The following STARD13 variants were observed in gnomAD, a reference collection of about 807,000 sequenced individuals.
STARD13 encodes the protein StAR related lipid transfer domain containing 13.
A neutral mutation model predicts 106.4 loss-of-function variants in STARD13; 62 were observed. That is an observed-to-expected ratio of 0.58 (90% CI 0.48 to 0.72). STARD13 has a LOEUF of 0.72. Ranked by LOEUF, STARD13 falls within the 30% of genes least tolerant of loss-of-function variation. The pLI is 0.00. For missense variants in STARD13, 1,387 were observed against 1,424.0 expected (o/e 0.97, Z 0.42); for synonymous variants, 565 against 553.0 (o/e 1.02, Z -0.31).
At chr13:33,510,879 A>G in the STARD13 span, among the ~76,000 whole-genome samples, 3 of 152,208 alleles carry the variant, frequency 2.0e-5, no homozygotes, top group South Asian at 4.1e-4. Context: ...TTGTGTACTG[A>G]GTTCACAAGC....
At chr13:33,454,309 TG>T in the STARD13 span, among the ~76,000 whole-genome samples, 2 of 152,226 alleles carry the variant, frequency 1.3e-5, no homozygotes, top group Non-Finnish European at 2.9e-5. Flanking sequence ...CACTGTGGTC[TG>T]AAAACCCTCC....
At chr13:33,256,791 GCAGGA>G (rs1304119410) in intron 1 of STARD13, among the ~76,000 whole-genome samples, 2 of 152,206 alleles carry the variant, frequency 1.3e-5, no homozygotes, top group African/African-American at 4.8e-5. Flanking sequence ...TAGGTGATGA[GCAGGA>G]CTGATGAAGA....
At chr13:33,367,321 G>T in the STARD13 span, among the ~76,000 whole-genome samples, 1 of 152,254 alleles carries the variant, frequency 6.6e-6, no homozygotes, top group Non-Finnish European at 1.5e-5. Flanking sequence ...ACACATTTGG[G>T]TAAAAACTTC....
At chr13:33,331,563 G>A (rs1385863547) in intron 1 of STARD13, among the ~76,000 whole-genome samples, 4 of 138,808 alleles carry the variant, frequency 2.9e-5, no homozygotes, top group South Asian at 2.2e-4. Context: ...AACAGGTTTC[G>A]CCATGTTGGT....
chr13:33,270,892 A>G (rs1388377914), intron 1 of STARD13, among the ~76,000 whole-genome samples: 2 of 152,224 alleles, frequency 1.3e-5, no homozygotes. Context: ...AGAAAACCTC[A>G]AATCACTTGC....
intron 1 of STARD13, among the ~76,000 whole-genome samples, chr13:33,316,493 G>A (rs758803474): frequency 7.2e-5 from 11 of 152,120 alleles, no homozygotes; most frequent in Admixed American, 6.5e-5. Flanking sequence ...TAGGTTATTC[G>A]TTATCTATAA....
chr13:33,179,100 A>G (rs1161082941), intron 1 of STARD13, among the ~76,000 whole-genome samples: 1 of 152,256 alleles, frequency 6.6e-6, no homozygotes, highest in Non-Finnish European at 1.5e-5. Context: ...TTCTGGAATA[A>G]AGCTCAAGTT....
At chr13:33,426,132 G>A in the STARD13 span, among the ~76,000 whole-genome samples, 1 of 152,086 alleles carries the variant, frequency 6.6e-6, no homozygotes, top group Non-Finnish European at 1.5e-5. Flanking sequence ...GTGGCCTATG[G>A]AAGAAAATTA....
chr13:33,180,431 C>T (rs540911047), intron 1 of STARD13: 34 of 152,294 alleles, frequency 2.2e-4, no homozygotes, highest in African/African-American at 7.0e-4. Context: ...ACTCCAGGAC[C>T]TTGGGAAAGA....
intron 1 of STARD13, among the ~76,000 whole-genome samples, chr13:33,305,220 C>T (rs1892861425): frequency 6.6e-6 from 1 of 152,150 alleles, no homozygotes; most frequent in South Asian, 2.1e-4. Flanking sequence ...ATCAAGACTG[C>T]CAGGTAGGTA....
At chr13:33,343,587 A>AAAC (rs1566150455) in intron 1 of STARD13, among the ~76,000 whole-genome samples, 6 of 95,588 alleles carry the variant, frequency 6.3e-5, no homozygotes, top group South Asian at 4.0e-4. Context: ...TAAAAAAAAA[A>AAAC]AAAAAAAAAA....
chr13:33,146,240 C>T (rs1880520024), intron 3 of STARD13, among the ~76,000 whole-genome samples: 1 of 152,122 alleles, frequency 6.6e-6, no homozygotes, highest in African/African-American at 2.4e-5. Flanking sequence ...AGGAGAATTG[C>T]TTGAACCCGG....
At chr13:33,264,954 C>A (rs1400191120) in intron 1 of STARD13, among the ~76,000 whole-genome samples, 1 of 152,150 alleles carries the variant, frequency 6.6e-6, no homozygotes, top group Non-Finnish European at 1.5e-5. Context: ...ACATTGCTTT[C>A]CAAACAGGAG....
chr13:33,297,538 G>A (rs1219379092), intron 1 of STARD13, among the ~76,000 whole-genome samples: 1 of 151,620 alleles, frequency 6.6e-6, no homozygotes, highest in Non-Finnish European at 1.5e-5. Context: ...CCAGTGCATT[G>A]CTGTATGTGA....
the STARD13 span, among the ~76,000 whole-genome samples, chr13:33,612,507 G>T: frequency 6.6e-6 from 1 of 152,132 alleles, no homozygotes; most frequent in Admixed American, 6.5e-5. Flanking sequence ...CCTCCTGGAA[G>T]CCCCTACTCC....
At chr13:33,500,146 A>G in the STARD13 span, among the ~76,000 whole-genome samples, 4 of 152,094 alleles carry the variant, frequency 2.6e-5, no homozygotes, top group Non-Finnish European at 5.9e-5. Flanking sequence ...TCCAAATACC[A>G]TCACATTGTG....
chr13:33,593,138 G>T, the STARD13 span, among the ~76,000 whole-genome samples: 1 of 152,082 alleles, frequency 6.6e-6, no homozygotes, highest in African/African-American at 2.4e-5. Flanking sequence ...CCAGATTATG[G>T]AGTAGAAGAT....
the STARD13 span, among the ~76,000 whole-genome samples, chr13:33,497,404 G>A: frequency 6.6e-6 from 1 of 152,134 alleles, no homozygotes. Flanking sequence ...CAGAGTTGAA[G>A]CTATGATTAT....
chr13:33,653,425 G>C, the STARD13 span, among the ~76,000 whole-genome samples: 6 of 152,032 alleles, frequency 3.9e-5, no homozygotes, highest in Admixed American at 3.3e-4. Context: ...TATTTAACGG[G>C]GGAAAGAAAA....
Sources: allele counts gnomAD v4.1 joint callset (sites outside exome capture counted in the v4.1 genomes callset), GRCh38; gene constraint gnomAD v4.1.1; transcripts MANE v1.5; gene names NCBI Gene and HGNC (gene_info 2026-07-23, HGNC 2026-07-21).